The following FRMD1 variants were observed in gnomAD, a reference collection of about 807,000 sequenced individuals.
FRMD1 encodes the protein FERM domain-containing protein 1.
FRMD1 carries 51 observed loss-of-function variants against 54.9 expected under a neutral mutation model. The observed-to-expected ratio is 0.93, with a 90% CI of 0.74 to 1.17. FRMD1 has a LOEUF of 1.17. FRMD1 is among the 50% of genes most tolerant of loss of function. FRMD1 has a pLI of 0.00. For synonymous variants in FRMD1, 324 were observed against 306.4 expected (o/e 1.06, Z -0.60); for missense variants, 729 against 743.0 (o/e 0.98, Z 0.22).
chr6:168,078,784 ACGGCCACCCAGGGCCC>A (rs1800723381), intron 1 of FRMD1, 82 bp downstream of exon 1: 75 of 66,068 alleles, frequency 1.1e-3, no homozygotes, highest in African/African-American at 2.4e-3. Flanking sequence ...GCTCACCCCC[ACGGCCACCCAGGGCCC>A]TGCTCACCCC....
At chr6:168,080,069 T>C (rs1368871322), upstream of FRMD1, among the ~76,000 whole-genome samples, 1 of 152,190 alleles carries the variant, frequency 6.6e-6, no homozygotes, top group Non-Finnish European at 1.5e-5. Flanking sequence ...TGGGATGCTC[T>C]GGGACCTTCC....
At chr6:168,068,866 A>G (rs928476611) in intron 2 of FRMD1, among the ~76,000 whole-genome samples, 4 of 152,258 alleles carry the variant, frequency 2.6e-5, no homozygotes, top group African/African-American at 7.2e-5. Context: ...AGAGGCCTGC[A>G]GAAAGGGCAT....
In FRMD1 at chr6:168,059,216, G is replaced by A; in HGVS notation, c.1343-28C>T. On this transcript the variant is annotated intron_variant, in intron 9 of 10. Transcript: ENST00000283309. The surrounding 1 kb of genome is among the most constrained non-coding windows in gnomAD (Gnocchi z 4.4). ...GTGGGAGGAGGCAGCCGTGAGCACA[G>A]GTGTCTGGGTTCTGCCCGACATGGC... is the stretch of plus-strand genomic sequence containing the variant. The A allele has an allele frequency of 6.4e-7, 1 of 1,557,998 alleles. No homozygotes were observed. Among genetic ancestry groups the A allele is most frequent in the Middle Eastern group, 1.9e-4 (1 of 5,198 alleles).
At chr6:168,070,469 C>T (rs1359428975) in intron 2 of FRMD1, among the ~76,000 whole-genome samples, 2 of 152,006 alleles carry the variant, frequency 1.3e-5, no homozygotes, top group Non-Finnish European at 2.9e-5. Context: ...TGGGCCTTGT[C>T]TAGTCGGTTG....
chr6:168,088,007 G>T (rs1027878315), intron 1 of FRMD1, among the ~76,000 whole-genome samples: 4 of 152,230 alleles, frequency 2.6e-5, no homozygotes, highest in African/African-American at 9.6e-5. Flanking sequence ...TGTGCTCCCA[G>T]CAGGGCCTCT....
intron 10 of FRMD1, 140 bp from the exon 11 acceptor site, chr6:168,057,479 C>T (rs758890245): frequency 1.5e-4 from 192 of 1,300,206 alleles, no homozygotes; most frequent in Non-Finnish European, 1.9e-4. Context: ...GCCGGCCTGC[C>T]CCTGGACGGG....
At chr6:168,071,394 A>G (rs1800300466) in intron 2 of FRMD1, among the ~76,000 whole-genome samples, 1 of 152,234 alleles carries the variant, frequency 6.6e-6, no homozygotes, top group Non-Finnish European at 1.5e-5. Flanking sequence ...AAATCTCCAA[A>G]GCAAGGGCTC....
chr6:168,090,901 ATCCAGGTC>A (rs1214645648), intron 1 of FRMD1, among the ~76,000 whole-genome samples: 2 of 152,156 alleles, frequency 1.3e-5, no homozygotes, highest in African/African-American at 2.4e-5. Context: ...CAGCTCCAAA[ATCCAGGTC>A]TCCTGGTTTC....
intron 2 of FRMD1, among the ~76,000 whole-genome samples, chr6:168,074,762 ATGC>A (rs2115007722): frequency 1.2e-4 from 1 of 8,688 alleles, no homozygotes; most frequent in Admixed American, 7.4e-4. Context: ...TGTGTGGTGC[ATGC>A]ATGTGTACAT....
At chr6:168,068,857 G>A (rs980171060) in intron 2 of FRMD1, among the ~76,000 whole-genome samples, 8 of 152,268 alleles carry the variant, frequency 5.3e-5, no homozygotes, top group Admixed American at 5.2e-4. Context: ...CTTACCCACA[G>A]AGGCCTGCAG....
chr6:168,083,862 A>G (rs1800877284), upstream of FRMD1, among the ~76,000 whole-genome samples: 1 of 152,196 alleles, frequency 6.6e-6, no homozygotes, highest in South Asian at 2.1e-4. Context: ...CTTTTTGATG[A>G]GATGGGGAGG....
At chr6:168,092,107 G>T (rs932279287) in intron 1 of FRMD1, among the ~76,000 whole-genome samples, 1 of 152,226 alleles carries the variant, frequency 6.6e-6, no homozygotes. Context: ...TGGACAGAGC[G>T]CTGCCAACCA....
intron 2 of FRMD1, among the ~76,000 whole-genome samples, chr6:168,074,372 G>A (rs1361626469): frequency 6.6e-6 from 1 of 152,204 alleles, no homozygotes; most frequent in African/African-American, 2.4e-5. Context: ...TGCAGGTGTG[G>A]TGTGTGCATG....
rs765399271 is a variant in FRMD1, at chr6:168,063,721, C to T, written c.684G>A (p.Arg228=). 9 of 1,613,460 alleles carry T rather than the reference C, an allele frequency of 5.6e-6. No homozygotes were observed. The highest frequency in any genetic ancestry group is 1.1e-5 in the South Asian group (1 of 91,030). ...GCTCACGGTGCAGGGTAGGCATGTG[C>T]CGGAGGATGTAGTCAATCCCCCTCT... ...ITKRGIDYIL[R]HMPTLHRERQ... The change falls in exon 6 of 11, where the codon CGG becomes CGA. Residue 228 remains arginine (R), a synonymous_variant. Transcript: ENST00000283309.
upstream of FRMD1, among the ~76,000 whole-genome samples, chr6:168,083,053 C>T (rs920761410): frequency 2.1e-4 from 32 of 152,180 alleles, no homozygotes; most frequent in Non-Finnish European, 4.3e-4. Flanking sequence ...TGTGGAGCGC[C>T]GGAGGTGCTT....
Position 168,063,587 on chromosome 6 carries a change from G to A in FRMD1, c.804+14C>T, listed in dbSNP as rs769604784. 21 of 1,601,226 alleles carry A rather than the reference G, an allele frequency of 1.3e-5. 1 individual carries two copies. The highest frequency in any genetic ancestry group is 5.1e-5 in the Admixed American group (3 of 58,994). On this transcript the variant is annotated intron_variant, in intron 6 of 10. Transcript: ENST00000283309. ...GTCAGAGTCCAGCCCATCGCTGGCC[G>A]CCCTGGGCTCGACCTTGTGCAGCCT...
chr6:168,069,720 G>A (rs1230103617), intron 2 of FRMD1, among the ~76,000 whole-genome samples: 3 of 152,090 alleles, frequency 2.0e-5, no homozygotes, highest in Non-Finnish European at 4.4e-5. Flanking sequence ...CAAACACTAC[G>A]AGAACAATAC....
intron 1 of FRMD1, among the ~76,000 whole-genome samples, chr6:168,090,687 T>C (rs1468816095): frequency 6.6e-6 from 1 of 152,264 alleles, no homozygotes; most frequent in Non-Finnish European, 1.5e-5. Flanking sequence ...GCTGCTGTTT[T>C]GTTCCCTTCC....
chr6:168,092,366 C>G (rs1236370034), intron 1 of FRMD1, among the ~76,000 whole-genome samples: 1 of 152,198 alleles, frequency 6.6e-6, no homozygotes, highest in Admixed American at 6.5e-5. Flanking sequence ...AAATTCACCA[C>G]GTGGAAATTC....
Sources: gnomAD v4.1 joint callset for allele counts (sites outside exome capture counted in the v4.1 genomes callset) on GRCh38, gnomAD v4.1.1 for gene constraint, Gnocchi (gnomAD v3.1) non-coding constraint, MANE v1.5 for transcripts, NCBI Gene and HGNC (gene_info 2026-07-23, HGNC 2026-07-21) for gene names.